Variants in COMMD10 observed in about 807,000 individuals in gnomAD.
The protein encoded by COMMD10 is COMM domain-containing protein 10.
In COMMD10, 33 loss-of-function variants were observed where a neutral mutation model predicts 28.9. That is an observed-to-expected ratio of 1.14 (90% CI 0.87 to 1.53). The LOEUF (loss-of-function observed/expected upper bound fraction) is 1.53, where lower values mean the gene tolerates loss of function less well. COMMD10 is among the 40% of genes most tolerant of loss of function. The probability of loss-of-function intolerance (pLI) is 0.00; values close to 1 mark genes in which losing one functional copy is unlikely to be tolerated. For synonymous variants in COMMD10, 110 were observed against 81.7 expected (o/e 1.35, Z -1.87); for missense variants, 310 against 233.4 (o/e 1.33, Z -2.14).
chr5:116,188,627 T>TTCTC (rs993543218), intron 5 of COMMD10: 1 of 131,424 alleles, frequency 7.6e-6, no homozygotes, highest in African/African-American at 3.7e-5. Flanking sequence ...CCTTCTTTCT[T>TTCTC]TCTCTCTCTC....
intron 5 of COMMD10, among the ~76,000 whole-genome samples, chr5:116,153,678 TAATAAAG>T: frequency 6.6e-6 from 1 of 152,232 alleles, no homozygotes; most frequent in African/African-American, 2.4e-5. Context: ...ATTTGCAGCT[TAATAAAG>T]TAGCTACTTT....
chr5:116,101,926 AGTT>A (rs1416165511), intron 4 of COMMD10, among the ~76,000 whole-genome samples: 2 of 151,808 alleles, frequency 1.3e-5, no homozygotes, highest in African/African-American at 2.4e-5. Flanking sequence ...GTTGTTGTTC[AGTT>A]GTTTGGGTTT....
chr5:116,247,899 A>G (rs1026388548), intron 5 of COMMD10, among the ~76,000 whole-genome samples: 8 of 152,114 alleles, frequency 5.3e-5, no homozygotes, highest in African/African-American at 1.9e-4. Context: ...TAATCTGTAC[A>G]ACAGATCCCC....
chr5:116,085,249 C>G, intron 1 of COMMD10, 156 bp downstream of exon 1: 1 of 683,838 alleles, frequency 1.5e-6, no homozygotes, highest in South Asian at 1.8e-5. Context: ...GACGCTGCGT[C>G]TGCGGAGTGC....
At chr5:116,116,781 C>CAATCTCGGCTCACTGCAAGCTCCG (rs1460024744) in intron 4 of COMMD10, among the ~76,000 whole-genome samples, 18 of 149,518 alleles carry the variant, frequency 1.2e-4, no homozygotes. Context: ...TGCAGTGGCG[C>CAATCTCGGCTCACTGCAAGCTCCG]AATCTCGGCT....
At chr5:116,167,769 G>A (rs1259343638) in intron 5 of COMMD10, among the ~76,000 whole-genome samples, 1 of 152,104 alleles carries the variant, frequency 6.6e-6, no homozygotes. Context: ...ATCCTTTACA[G>A]ACAACCAGAT....
intron 5 of COMMD10, among the ~76,000 whole-genome samples, chr5:116,179,413 C>T (rs1037560903): frequency 3.8e-4 from 58 of 152,090 alleles, no homozygotes; most frequent in African/African-American, 1.4e-3. Flanking sequence ...ACGCAGGTTT[C>T]CTGACTTTGG....
At chr5:116,185,693 C>T (rs914201607) in intron 5 of COMMD10, among the ~76,000 whole-genome samples, 5 of 152,214 alleles carry the variant, frequency 3.3e-5, no homozygotes, top group South Asian at 4.1e-4. Flanking sequence ...TTAGCTCTTG[C>T]GTTGAACTCT....
intron 5 of COMMD10, among the ~76,000 whole-genome samples, chr5:116,161,867 A>G (rs755302131): frequency 6.6e-6 from 1 of 152,140 alleles, no homozygotes; most frequent in African/African-American, 2.4e-5. Flanking sequence ...AAACTCACGT[A>G]TAAATGGACC....
chr5:116,093,219 G>A (rs568069860), intron 4 of COMMD10, among the ~76,000 whole-genome samples: 1 of 152,170 alleles, frequency 6.6e-6, no homozygotes, highest in African/African-American at 2.4e-5. Flanking sequence ...TCCTGTTTTT[G>A]GAGGCTTTTC....
At chr5:116,140,635 A>G (rs1221719662) in intron 5 of COMMD10, among the ~76,000 whole-genome samples, 1 of 151,720 alleles carries the variant, frequency 6.6e-6, no homozygotes, top group Non-Finnish European at 1.5e-5. Context: ...GTGAGATAAT[A>G]TTTCATTTTG....
intron 4 of COMMD10, among the ~76,000 whole-genome samples, chr5:116,099,663 A>G (rs1274461157): frequency 3.9e-5 from 6 of 152,092 alleles, no homozygotes; most frequent in South Asian, 4.1e-4. Context: ...ATGTTGTATT[A>G]TGCTTTTGAT....
intron 5 of COMMD10, among the ~76,000 whole-genome samples, chr5:116,274,915 G>T (rs977799346): frequency 2.1e-4 from 32 of 151,808 alleles, no homozygotes; most frequent in African/African-American, 7.8e-4. Context: ...GTATTAATCT[G>T]TAGCCCAGAT....
At chr5:116,245,886 T>A (rs1749940260) in intron 5 of COMMD10, among the ~76,000 whole-genome samples, 1 of 152,052 alleles carries the variant, frequency 6.6e-6, no homozygotes, top group Non-Finnish European at 1.5e-5. Context: ...TCATACTGAA[T>A]GAGCAAAAGC....
intron 5 of COMMD10, among the ~76,000 whole-genome samples, chr5:116,183,531 T>C (rs1748042622): frequency 6.6e-6 from 1 of 152,116 alleles, no homozygotes; most frequent in Non-Finnish European, 1.5e-5. Flanking sequence ...ATTATAGGCC[T>C]CCTTGAAATT....
At chr5:116,174,724 C>G (rs752577560) in intron 5 of COMMD10, among the ~76,000 whole-genome samples, 71 of 152,130 alleles carry the variant, frequency 4.7e-4, no homozygotes, top group Non-Finnish European at 8.5e-4. Flanking sequence ...GTCTCTCTTA[C>G]TTGCCTATAG....
At chr5:116,177,448 C>T (rs1226045290) in intron 5 of COMMD10, among the ~76,000 whole-genome samples, 1 of 151,924 alleles carries the variant, frequency 6.6e-6, no homozygotes. Context: ...CCTTCAGAAT[C>T]TTCCTCTTCC....
intron 5 of COMMD10, among the ~76,000 whole-genome samples, chr5:116,214,481 G>A (rs1468379128): frequency 1.3e-5 from 2 of 152,028 alleles, no homozygotes; most frequent in Admixed American, 1.3e-4. Context: ...ATTGTTACAG[G>A]CACTTTTACA....
intron 5 of COMMD10, among the ~76,000 whole-genome samples, chr5:116,223,552 G>A (rs1422565155): frequency 6.6e-6 from 1 of 152,038 alleles, no homozygotes; most frequent in East Asian, 1.9e-4. Context: ...AAAGCTCATG[G>A]TGCTTTTGGA....
Sources: gnomAD v4.1 joint callset for allele counts (sites outside exome capture counted in the v4.1 genomes callset) on GRCh38, gnomAD v4.1.1 for gene constraint, MANE v1.5 for transcripts, NCBI Gene and HGNC (gene_info 2026-07-23, HGNC 2026-07-21) for gene names.